Variants in EMG1 observed in about 807,000 individuals in gnomAD.
EMG1 encodes the protein EMG1 N1-specific pseudouridine methyltransferase.
In EMG1, 24 loss-of-function variants were observed where a neutral mutation model predicts 26.9. The ratio of observed to expected loss-of-function variants is 0.89; its 90% confidence interval spans 0.65 to 1.26. EMG1 has a LOEUF of 1.26. EMG1 is among the 50% of genes most tolerant of loss of function. The pLI is 0.00. For synonymous variants in EMG1, 140 were observed against 112.6 expected (o/e 1.24, Z -1.54); for missense variants, 299 against 307.6 (o/e 0.97, Z 0.21).
In EMG1 at chr12:6,975,740, C is replaced by T. The variant is rs1034343918; in HGVS notation, c.666C>T (p.Tyr222=). ...YTEKMVSISN[Y]PLSAALTCAK... ...AGAAGATGGTGTCCATCAGTAACTACCCCCTTTCTGCTGCCCTCACCTGTG... is the reference window on the plus strand; with the variant it reads ...AGAAGATGGTGTCCATCAGTAACTATCCCCTTTCTGCTGCCCTCACCTGTG... The change falls in exon 6 of 6, where the codon TAC becomes TAT. Residue 222 remains tyrosine (Y), a synonymous_variant. Coordinates refer to ENST00000599672, the MANE Select transcript of EMG1 (RefSeq NM_006331.8). The T allele has an allele frequency of 1.2e-6, 2 of 1,613,624 alleles. No homozygotes were observed. Among genetic ancestry groups the T allele is most frequent in the African/African-American group, 2.7e-5 (2 of 75,044 alleles).
At chr12:6,992,125 G>T (rs1946595082), downstream of EMG1, among the ~76,000 whole-genome samples, 1 of 151,954 alleles carries the variant, frequency 6.6e-6, no homozygotes, top group Non-Finnish European at 1.5e-5. Context: ...ACAATATTTA[G>T]CCTGGGCGAC....
At chr12:6,983,167 A>G, downstream of EMG1, 1 of 467,444 alleles carries the variant, frequency 2.1e-6, no homozygotes, top group South Asian at 2.0e-5. Flanking sequence ...ATTCAGTTAC[A>G]TCCACAGCAC....
intron 6 of EMG1, among the ~76,000 whole-genome samples, chr12:6,984,986 A>G (rs2138336417): frequency 6.6e-6 from 1 of 152,030 alleles, no homozygotes; most frequent in African/African-American, 2.4e-5. Context: ...TTAGAATAGT[A>G]TCATACAGAA....
At position 6,975,129 on chromosome 12, in the gene EMG1, GC is replaced by G; in HGVS notation, c.457del (p.Gln153ArgfsTer4). 1.2e-5 allele frequency: 20 copies of G among 1,614,034 alleles called. No homozygotes were observed. Among genetic ancestry groups the G allele is most frequent in the Non-Finnish European group, 1.6e-5 (19 of 1,179,900 alleles). ...LHKLSVRAAD[G>X]PQKLLKVIKN... Reference sequence around the variant, plus strand: ...AAGCTCAGTGTTCGAGCAGCTGATGGCCCCCAGAAGCTTTTGAAGGTGAGGT... The same window carrying G: ...AAGCTCAGTGTTCGAGCAGCTGATGGCCCCAGAAGCTTTTGAAGGTGAGGT... On this transcript the variant is annotated frameshift_variant, in exon 4 of 6. Coordinates refer to ENST00000599672, the MANE Select transcript of EMG1 (RefSeq NM_006331.8). LOFTEE classifies it high-confidence loss of function.
At position 6,978,812 on chromosome 12, in the gene EMG1, C is replaced by A. The variant is rs1946438230; in HGVS notation, c.*3003C>A. ...CCTGCCTGAGTCCTGCTGCCAGATG[C>A]CCTCAATAGTCTGGCCTGATTGCCT... On this transcript the variant is annotated 3_prime_UTR_variant, in exon 6 of 6. Transcript: ENST00000599672. 13 of 1,399,648 alleles carry A rather than the reference C, an allele frequency of 9.3e-6. No individual in the cohort carries two copies. The allele number at this position is 1,399,648 out of a possible 1,614,324, so 86.7% of individuals were successfully genotyped here.
In EMG1 at chr12:6,977,089, A is replaced by G; in HGVS notation, c.*1280A>G. On this transcript the variant is annotated 3_prime_UTR_variant, in exon 6 of 6. Coordinates refer to ENST00000599672, the MANE Select transcript of EMG1 (RefSeq NM_006331.8). This position sits in a 1 kb window ranked among gnomAD's most constrained non-coding sequence, Gnocchi z 4.5. Reference sequence around the variant, plus strand: ...TTGTTTTTTTCCAGTCTGTTGCTCTATTCTGTAACCTGGTGGTAGTTTTAG... The same window carrying G: ...TTGTTTTTTTCCAGTCTGTTGCTCTGTTCTGTAACCTGGTGGTAGTTTTAG... The G allele has an allele frequency of 8.3e-7, 1 of 1,200,812 alleles. No individual in the cohort carries two copies. The highest frequency in any genetic ancestry group is 1.2e-6 in the Non-Finnish European group (1 of 806,232). The allele number at this position is 1,200,812 out of a possible 1,614,324, so 74.4% of individuals were successfully genotyped here. A position where few individuals can be genotyped will look rare whatever the true frequency, so the allele number is the denominator to read the frequency against.
rs1946391162 is a variant in EMG1, at chr12:6,975,796, G to C, written c.722G>C (p.Trp241Ser). ...CTTACCACAGCCTTTGAGGAAGTAT[G>C]GGGGGTCATTTGACAGTAGTAGAAC... is the stretch of plus-strand genomic sequence containing the variant. Reference protein sequence around the residue: ...AKLTTAFEEVWGVI With the variant: ...AKLTTAFEEVSGVI The change falls in exon 6 of 6, where the codon TGG becomes TCG. Residue 241 changes from tryptophan to serine, a missense_variant. Trp to Ser is a radical substitution (Grantham distance 177). Transcript: ENST00000599672. The C allele has an allele frequency of 1.2e-6, 2 of 1,604,020 alleles. No individual in the cohort carries two copies. Among genetic ancestry groups the C allele is most frequent in the Non-Finnish European group, 1.7e-6 (2 of 1,170,854 alleles).
Position 6,978,329 on chromosome 12 carries a change from C to G in EMG1, c.*2520C>G. The stretch of plus-strand genomic sequence containing the variant: ...AAGGAACCAGGGTCCAGGCTCCCCA[C>G]CAGCAGCTCACCGGGCCACCCAGGC... On this transcript the variant is annotated 3_prime_UTR_variant, in exon 6 of 6. Coordinates refer to ENST00000599672, the MANE Select transcript of EMG1 (RefSeq NM_006331.8). 6.2e-7 allele frequency: 1 copy of G among 1,600,620 alleles called. No individual in the cohort carries two copies. Among genetic ancestry groups the G allele is most frequent in the East Asian group, 2.2e-5 (1 of 44,738 alleles).
At chr12:6,983,626 G>A (rs781975968), downstream of EMG1, 2 of 783,562 alleles carry the variant, frequency 2.6e-6, no homozygotes, top group South Asian at 3.1e-5. Flanking sequence ...ATGAAACGCA[G>A]CCCAGAGGGA....
At chr12:6,990,082 C>T (rs1341949555), downstream of EMG1, among the ~76,000 whole-genome samples, 1 of 151,616 alleles carries the variant, frequency 6.6e-6, no homozygotes, top group Non-Finnish European at 1.5e-5. Flanking sequence ...GAGGCTGAGG[C>T]AGGAGGATCA....
At chr12:6,981,692 G>A (rs1946472854), downstream of EMG1, 1 of 879,182 alleles carries the variant, frequency 1.1e-6, no homozygotes, top group East Asian at 3.7e-5. Context: ...GATGTGGCCT[G>A]TAGACTGAGT....
intron 1 of EMG1, among the ~76,000 whole-genome samples, chr12:6,973,509 A>G (rs1007840644): frequency 6.6e-6 from 1 of 151,346 alleles, no homozygotes; most frequent in African/African-American, 2.4e-5. Context: ...TCTTCCTTTT[A>G]CTTCTGAGAG....
In EMG1 at chr12:6,977,047, C is replaced by G. The variant is rs782690248; in HGVS notation, c.*1238C>G. On this transcript the variant is annotated 3_prime_UTR_variant, in exon 6 of 6. Coordinates refer to ENST00000599672, the MANE Select transcript of EMG1 (RefSeq NM_006331.8). This position sits in a 1 kb window ranked among gnomAD's most constrained non-coding sequence, Gnocchi z 4.5. Reference sequence around the variant, plus strand: ...GCCAGGCTAATCCTTGGAATTCACCCCAGATTTCTAATACTATTGTTTTTT... The same window carrying G: ...GCCAGGCTAATCCTTGGAATTCACCGCAGATTTCTAATACTATTGTTTTTT... 53 of 849,402 alleles carry G rather than the reference C, an allele frequency of 6.2e-5. No individual in the cohort carries two copies. The highest frequency in any genetic ancestry group is 2.6e-5 in the Non-Finnish European group (13 of 509,614). The allele number at this position is 849,402 out of a possible 1,614,324, so 52.6% of individuals were successfully genotyped here.
Position 6,979,797 on chromosome 12 carries a change from A to G in EMG1, c.*3988A>G, listed in dbSNP as rs1555153842. 2.1e-5 allele frequency: 12 copies of G among 573,532 alleles called. No individual in the cohort carries two copies. The highest frequency in any genetic ancestry group is 3.7e-5 in the Non-Finnish European group (12 of 320,346). The allele number at this position is 573,532 out of a possible 1,614,324, so 35.5% of individuals were successfully genotyped here. On this transcript the variant is annotated 3_prime_UTR_variant, in exon 6 of 6. Transcript: ENST00000599672. ...GCAAACCTCTTAAGAGTTGTAGGAAAGTCAGGGCAGCAGACAGTGGACCAG... is the reference window on the plus strand; with the variant it reads ...GCAAACCTCTTAAGAGTTGTAGGAAGGTCAGGGCAGCAGACAGTGGACCAG...
Position 6,975,346 on chromosome 12 carries a change from GT to G in EMG1, c.594del (p.Phe198LeufsTer3), listed in dbSNP as rs1555152985. On this transcript the variant is annotated frameshift_variant, in exon 5 of 6. Coordinates refer to ENST00000599672, the MANE Select transcript of EMG1 (RefSeq NM_006331.8). LOFTEE classifies it high-confidence loss of function. Reference protein sequence around the residue: ...RELVPSSDPIVFVVGAFAHGK... With the variant: ...RELVPSSDPIXFVVGAFAHGK... Reference sequence around the variant, plus strand: ...GCTGGTGCCCAGCAGTGATCCTATTGTTTTTGTGGTAGGGGCCTTTGCCCAT... The same window carrying G: ...GCTGGTGCCCAGCAGTGATCCTATTGTTTTGTGGTAGGGGCCTTTGCCCAT... The G allele has an allele frequency of 1.2e-6, 2 of 1,605,672 alleles. No homozygotes were observed. The highest frequency in any genetic ancestry group is 1.7e-6 in the Non-Finnish European group (2 of 1,175,616).
intron 3 of EMG1, 29 bp from the exon 4 acceptor site, chr12:6,975,061 A>C: frequency 6.2e-7 from 1 of 1,611,608 alleles, no homozygotes; most frequent in Non-Finnish European, 8.5e-7. Flanking sequence ...GTCTCCATCT[A>C]GCTCTGAACT....
Position 6,975,302 on chromosome 12 carries a change from T to G in EMG1, c.545T>G (p.Val182Gly), listed in dbSNP as rs782307546. The change falls in exon 5 of 6, where the codon GTT (valine) becomes GGT (glycine). Residue 182 changes from valine to glycine, a missense_variant. Coordinates refer to ENST00000599672, the MANE Select transcript of EMG1 (RefSeq NM_006331.8). ...GTTGGCACTTCTTTTTCCATCCCGG[T>G]TGTCAGTGATGTGCGTGAGCTGGTG... ...MKVGTSFSIP[V>G]VSDVRELVPS... is the part of the protein sequence containing the mutation. 3 of 1,611,750 alleles carry G rather than the reference T, an allele frequency of 1.9e-6. No homozygotes were observed. Among genetic ancestry groups the G allele is most frequent in the African/African-American group, 1.3e-5 (1 of 74,938 alleles).
In EMG1 at chr12:6,978,255, G is replaced by C; in HGVS notation, c.*2446G>C. The stretch of plus-strand genomic sequence containing the variant: ...CTGCCCAGATGGGAAAGACGCATAG[G>C]GGTGACATGGTACACCCCTGCCCTC... On this transcript the variant is annotated 3_prime_UTR_variant, in exon 6 of 6. Coordinates refer to ENST00000599672, the MANE Select transcript of EMG1 (RefSeq NM_006331.8). 6.8e-7 allele frequency: 1 copy of C among 1,466,028 alleles called. No individual in the cohort carries two copies. Among genetic ancestry groups the C allele is most frequent in the Non-Finnish European group, 9.2e-7 (1 of 1,083,706 alleles). The allele number at this position is 1,466,028 out of a possible 1,614,324, so 90.8% of individuals were successfully genotyped here. A position where few individuals can be genotyped will look rare whatever the true frequency, so the allele number is the denominator to read the frequency against.
In EMG1 at chr12:6,970,992, T is replaced by C. The variant is rs1946316899; in HGVS notation, c.69T>C (p.Asp23=). 6.2e-7 allele frequency: 1 copy of C among 1,612,518 alleles called. No homozygotes were observed. The highest frequency in any genetic ancestry group is 8.5e-7 in the Non-Finnish European group (1 of 1,179,196). Residue 23 remains aspartate (D), a synonymous_variant, in exon 1 of 6, where the codon GAT becomes GAC. Transcript: ENST00000599672. ...GTGGGGAGCAGGCACAGGACTGGGATGCTCTGCCACCCAAGCGGCCCCGAC... is the reference window on the plus strand; with the variant it reads ...GTGGGGAGCAGGCACAGGACTGGGACGCTCTGCCACCCAAGCGGCCCCGAC... The part of the protein sequence containing the change: ...RSGGEQAQDW[D]ALPPKRPRLG...
Sources: gnomAD v4.1 joint callset for allele counts (sites outside exome capture counted in the v4.1 genomes callset) on GRCh38, gnomAD v4.1.1 for gene constraint, Gnocchi (gnomAD v3.1) non-coding constraint, MANE v1.5 for transcripts, NCBI Gene and HGNC (gene_info 2026-07-23, HGNC 2026-07-21) for gene names.